The following SLC25A12 variants were observed in gnomAD, a reference collection of about 807,000 sequenced individuals.
The protein encoded by SLC25A12 is electrogenic aspartate/glutamate antiporter SLC25A12, mitochondrial.
SLC25A12 carries 32 observed loss-of-function variants against 83.3 expected under a neutral mutation model. The ratio of observed to expected loss-of-function variants is 0.38; its 90% CI spans 0.29 to 0.52. SLC25A12 has a LOEUF of 0.52. Among genes scored for constraint, SLC25A12 ranks in the 20% least tolerant of loss-of-function variants. The probability of loss-of-function intolerance (pLI) is 0.84; values close to 1 mark genes in which losing one functional copy is unlikely to be tolerated. For synonymous variants in SLC25A12, 267 were observed against 291.1 expected, an observed-to-expected ratio of 0.92 and a Z score of 0.84; for missense variants, 611 against 835.6, an observed-to-expected ratio of 0.73 and a Z score of 3.31.
At chr2:171,849,093 G>A (rs1684857845) in intron 4 of SLC25A12, among the ~76,000 whole-genome samples, 1 of 152,126 alleles carries the variant, frequency 6.6e-6, no homozygotes, top group Non-Finnish European at 1.5e-5. Context: ...GGGAAGCTGA[G>A]GCAGAAGGAT....
chr2:171,849,652 C>G (rs533158587), intron 4 of SLC25A12, among the ~76,000 whole-genome samples: 1 of 151,012 alleles, frequency 6.6e-6, no homozygotes, highest in African/African-American at 2.4e-5. Context: ...ACCTCAGCCT[C>G]CCGGGTTCAC....
chr2:171,876,617 T>C (rs527761709), intron 2 of SLC25A12, among the ~76,000 whole-genome samples: 5 of 150,440 alleles, frequency 3.3e-5, no homozygotes, highest in Non-Finnish European at 3.0e-5. Flanking sequence ...CGTGCCACCA[T>C]GCTCAGCTAA....
At chr2:171,795,008 ATT>A (rs1166627193) in intron 13 of SLC25A12, among the ~76,000 whole-genome samples, 1 of 152,050 alleles carries the variant, frequency 6.6e-6, no homozygotes, top group Non-Finnish European at 1.5e-5. Context: ...GGCTCAGCCC[ATT>A]TTCCTAATTG....
intron 2 of SLC25A12, among the ~76,000 whole-genome samples, chr2:171,879,698 A>G (rs1685649033): frequency 6.6e-6 from 1 of 152,210 alleles, no homozygotes; most frequent in African/African-American, 2.4e-5. Context: ...TACAAGAAGC[A>G]TATATATGTA....
intron 3 of SLC25A12, among the ~76,000 whole-genome samples, chr2:171,857,987 A>G (rs1354238243): frequency 6.6e-6 from 1 of 152,150 alleles, no homozygotes; most frequent in Non-Finnish European, 1.5e-5. Context: ...AATGAGTCCT[A>G]TTATACTCAA....
intron 13 of SLC25A12, among the ~76,000 whole-genome samples, chr2:171,806,439 G>C (rs1435834052): frequency 6.6e-6 from 1 of 152,110 alleles, no homozygotes; most frequent in Non-Finnish European, 1.5e-5. Flanking sequence ...TGGATAACAA[G>C]AGCAAAACTC....
intron 9 of SLC25A12, among the ~76,000 whole-genome samples, chr2:171,818,210 G>T (rs1211935909): frequency 6.6e-6 from 1 of 152,006 alleles, no homozygotes; most frequent in African/African-American, 2.4e-5. Flanking sequence ...TAGCATTTAG[G>T]CTGAAGGAAA....
chr2:171,798,276 G>A (rs1683639543), intron 13 of SLC25A12, among the ~76,000 whole-genome samples: 1 of 152,202 alleles, frequency 6.6e-6, no homozygotes, highest in Non-Finnish European at 1.5e-5. Context: ...CCTCCACAGT[G>A]CCAAAGGCCG....
intron 3 of SLC25A12, among the ~76,000 whole-genome samples, chr2:171,864,321 T>C (rs1685235523): frequency 6.6e-6 from 1 of 152,256 alleles, no homozygotes; most frequent in African/African-American, 2.4e-5. Flanking sequence ...TTCATGCAAC[T>C]ATTACATTCA....
rs1192242586 is a variant in SLC25A12 at position 171,792,519 on chromosome 2, G to C, written c.1447-930C>G. 3.4e-5 allele frequency among the ~76,000 whole-genome samples: 5 copies of C among 149,128 alleles called. No homozygotes were observed. The East Asian group carries it at 9.8e-4, about 29-fold the overall frequency. On this transcript the variant is annotated intron_variant, in intron 14 of 17. Transcript: ENST00000422440. Reference sequence around the variant, plus strand: ...TTGCTATTTTGCCCTGGCTGGTCTTGAACTCCTGGGCTCAAGCAATCCCCC... The same window carrying C: ...TTGCTATTTTGCCCTGGCTGGTCTTCAACTCCTGGGCTCAAGCAATCCCCC...
At chr2:171,804,691 T>C (rs1343049379) in intron 13 of SLC25A12, among the ~76,000 whole-genome samples, 1 of 152,170 alleles carries the variant, frequency 6.6e-6, no homozygotes, top group Non-Finnish European at 1.5e-5. Context: ...GCAGAAGGAT[T>C]GCTTGAGGCC....
chr2:171,883,519 A>AT (rs1480115167), intron 2 of SLC25A12, among the ~76,000 whole-genome samples: 6 of 152,208 alleles, frequency 3.9e-5, no homozygotes. Flanking sequence ...AATTGAAAGA[A>AT]TCGGCCAGGC....
intron 17 of SLC25A12, 95 bp from the exon 18 acceptor site, chr2:171,785,570 G>A: frequency 9.1e-7 from 1 of 1,099,236 alleles, no homozygotes; most frequent in Non-Finnish European, 1.4e-6. Flanking sequence ...GTGCCACAAA[G>A]AAGAATGTTT....
At chr2:171,851,493 A>T (rs7559092) in intron 4 of SLC25A12, among the ~76,000 whole-genome samples, 3,508 of 20,766 alleles carry the variant, frequency 0.17, 144 homozygotes, top group African/African-American at 0.32. Flanking sequence ...CTGGCCCCTT[A>T]AAAAAAAAAA....
At chr2:171,875,012 C>T (rs150324777) in intron 2 of SLC25A12, among the ~76,000 whole-genome samples, 2,851 of 152,342 alleles carry the variant, frequency 0.019, 57 homozygotes, top group Admixed American at 0.067. Flanking sequence ...AGACCGACTG[C>T]AGGCAGACTC....
In SLC25A12 at chr2:171,809,705, T is replaced by C. The variant is rs1269128020; in HGVS notation, c.1225-19A>G. 6.3e-7 allele frequency: 1 copy of C among 1,582,222 alleles called. No homozygotes were observed. The highest frequency in any genetic ancestry group is 1.1e-5 in the South Asian group (1 of 90,434). ...CATTAACCTAATTAGAAAGACAACATCAGTTAACCAAAATTCCCAACCATT... is the reference window on the plus strand; with the variant it reads ...CATTAACCTAATTAGAAAGACAACACCAGTTAACCAAAATTCCCAACCATT... On this transcript the variant is annotated intron_variant, in intron 12 of 17. Coordinates refer to ENST00000422440, the MANE Select transcript of SLC25A12 (RefSeq NM_003705.5).
chr2:171,856,894 A>G (rs1196281173), intron 3 of SLC25A12, among the ~76,000 whole-genome samples: 5 of 152,226 alleles, frequency 3.3e-5, no homozygotes, highest in African/African-American at 9.6e-5. Flanking sequence ...TTTTAGAGAT[A>G]CACAGTGAGA....
At chr2:171,846,271 C>T (rs1174605946) in intron 4 of SLC25A12, among the ~76,000 whole-genome samples, 4 of 151,868 alleles carry the variant, frequency 2.6e-5, no homozygotes. Context: ...AATTAAGTAA[C>T]ATTACAATTA....
chr2:171,890,927 A>C (rs1685920780), intron 2 of SLC25A12, among the ~76,000 whole-genome samples: 1 of 152,214 alleles, frequency 6.6e-6, no homozygotes, highest in Non-Finnish European at 1.5e-5. Flanking sequence ...AATTTTCAAC[A>C]TAAAAATAAA....
Sources: gnomAD v4.1 joint callset for allele counts (sites outside exome capture counted in the v4.1 genomes callset) on GRCh38, gnomAD v4.1.1 for gene constraint, MANE v1.5 for transcripts, NCBI Gene and HGNC (gene_info 2026-07-23, HGNC 2026-07-21) for gene names.